CFL1: variants seen among roughly 807,000 people sequenced by gnomAD.
CFL1 encodes cofilin-1.
CFL1 carries 2 observed loss-of-function variants against 16.3 expected under a neutral mutation model. The observed-to-expected ratio is 0.12, with a 90% CI of 0.05 to 0.39. The LOEUF (loss-of-function observed/expected upper bound fraction) is 0.39, where lower values mean the gene tolerates loss of function less well. Among genes scored for constraint, CFL1 ranks in the 10% least tolerant of loss-of-function variants. The pLI, the probability that CFL1 is intolerant of heterozygous loss-of-function variation, is 0.99. For synonymous variants in CFL1, 111 were observed against 84.4 expected (o/e 1.31, Z -1.73); for missense variants, 75 against 212.2 (o/e 0.35, Z 4.02).
In CFL1 at chr11:65,858,025, C is replaced by T; in HGVS notation, c.3+72G>A. ...TGGGGGAGGGGGTGCGGACGTCGCT[C>T]CCCAGTCGCTTCCCGCGCGCAGGCG... On this transcript the variant is annotated intron_variant, in intron 1 of 3. Coordinates refer to ENST00000308162, the MANE Select transcript of CFL1 (RefSeq NM_005507.3). 2.7e-6 allele frequency: 4 copies of T among 1,491,322 alleles called. No individual in the cohort carries two copies. The Admixed American group carries it at 6.3e-5, about 23-fold the overall frequency. The allele number at this position is 1,491,322 out of a possible 1,614,324, so 92.4% of individuals were successfully genotyped here.
At chr11:65,857,194 C>A (rs1245095060) in intron 1 of CFL1, 1 of 220,982 alleles carries the variant, frequency 4.5e-6, no homozygotes, top group South Asian at 3.5e-5. Flanking sequence ...CTCCTGCAGG[C>A]AGGAGCCTGG....
chr11:65,855,183 T>TG lies in CFL1; in HGVS notation c.*152dup, dbSNP rs1426021320. On this transcript the variant is annotated 3_prime_UTR_variant, in exon 4 of 4. Transcript: ENST00000308162. ...GGAGGGAGAAGGAAAATCCAGGGGG[T>TG]GGGGGGTCTGTTTGGCAACTGGGGT... The TG allele has an allele frequency of 6.5e-6, 4 of 611,268 alleles. No individual in the cohort carries two copies. The highest frequency in any genetic ancestry group is 1.9e-5 in the South Asian group (1 of 52,032). 37.9% of individuals were successfully genotyped at this position (611,268 alleles called of 1,614,324 possible).
At chr11:65,857,955 C>A (rs988551090) in intron 1 of CFL1, 142 bp downstream of exon 1, 12 of 855,000 alleles carry the variant, frequency 1.4e-5, no homozygotes, top group Non-Finnish European at 1.8e-5. Flanking sequence ...CGCATTCCGG[C>A]ACCGCCCGCC....
At chr11:65,855,810 G>A (rs139174092) in intron 2 of CFL1, 80 bp from the exon 3 acceptor site, 7 of 1,506,024 alleles carry the variant, frequency 4.6e-6, no homozygotes, top group Non-Finnish European at 6.3e-6. Context: ...GGCTGGCAGT[G>A]AGGAGTCTTT....
chr11:65,857,705 C>A, intron 1 of CFL1: 1 of 164,948 alleles, frequency 6.1e-6, no homozygotes, highest in Non-Finnish European at 1.3e-5. Flanking sequence ...ACCTCTCGCG[C>A]GCTTTTTCCT....
At chr11:65,856,645 T>C in intron 1 of CFL1, 1 of 225,526 alleles carries the variant, frequency 4.4e-6, no homozygotes, top group Non-Finnish European at 9.0e-6. Flanking sequence ...GAGCCAAGAC[T>C]CCTCTTCAGA....
At chr11:65,857,975 G>C (rs949842432) in intron 1 of CFL1, 122 bp downstream of exon 1, 25 of 1,086,444 alleles carry the variant, frequency 2.3e-5, no homozygotes, top group African/African-American at 1.9e-4. Flanking sequence ...CCCTTCGTGC[G>C]AGACCCTCAT....
intron 1 of CFL1, chr11:65,857,171 G>GT (rs1188129613): frequency 1.0e-5 from 2 of 197,642 alleles, no homozygotes; most frequent in African/African-American, 4.8e-5. Context: ...AACAACGGGT[G>GT]TATCAGACCC....
Position 65,855,077 on chromosome 11 carries a change from T to C in CFL1, c.*259A>G. ...CAGGCTCCCCCACAACTGGGGTGCC[T>C]GGGGGGAACTTGGTCTGCTTCAGCC... On this transcript the variant is annotated 3_prime_UTR_variant, in exon 4 of 4. Transcript: ENST00000308162. The C allele has an allele frequency of 4.6e-6, 2 of 433,056 alleles. No individual in the cohort carries two copies. Among genetic ancestry groups the C allele is most frequent in the Non-Finnish European group, 8.5e-6 (2 of 234,582 alleles). The allele number at this position is 433,056 out of a possible 1,614,324, so 26.8% of individuals were successfully genotyped here.
rs372128176 is a variant in CFL1 at position 65,855,044 on chromosome 11, A to G, written c.*292T>C. The G allele has an allele frequency of 7.9e-6, 3 of 378,102 alleles. No homozygotes were observed. The highest frequency in any genetic ancestry group is 1.1e-4 in the East Asian group (2 of 17,652). 23.4% of individuals were successfully genotyped at this position (378,102 alleles called of 1,614,324 possible). A position where few individuals can be genotyped will look rare whatever the true frequency, so the allele number is the denominator to read the frequency against. On this transcript the variant is annotated 3_prime_UTR_variant, in exon 4 of 4. Transcript: ENST00000308162. ...AGGTGGGGAATGGGGATGTTGTTAA[A>G]AAAAATACAGGCTCCCCCACAACTG...
At position 65,854,984 on chromosome 11, in the gene CFL1, G is replaced by A. The variant is rs985011884; in HGVS notation, c.*352C>T. 8 of 307,438 alleles carry A rather than the reference G, an allele frequency of 2.6e-5. No homozygotes were observed. Among genetic ancestry groups the A allele is most frequent in the African/African-American group, 4.3e-5 (2 of 46,224 alleles). The allele number at this position is 307,438 out of a possible 1,614,324, so 19.0% of individuals were successfully genotyped here. A position where few individuals can be genotyped will look rare whatever the true frequency, so the allele number is the denominator to read the frequency against. On this transcript the variant is annotated 3_prime_UTR_variant, in exon 4 of 4. Transcript: ENST00000308162. Reference sequence around the variant, plus strand: ...CAGACAAGCACAGAGTCACTATTGCGGTTAGAAGTTGGCAGCATGGGAAGG... The same window carrying A: ...CAGACAAGCACAGAGTCACTATTGCAGTTAGAAGTTGGCAGCATGGGAAGG...
intron 1 of CFL1, 167 bp downstream of exon 1, chr11:65,857,930 C>T: frequency 1.7e-6 from 1 of 596,496 alleles, no homozygotes; most frequent in Non-Finnish European, 2.5e-6. Context: ...TCCCCGGCGC[C>T]CACGGGCGCG....
chr11:65,855,316 G>C lies in CFL1; in HGVS notation c.*20C>G. On this transcript the variant is annotated 3_prime_UTR_variant, in exon 4 of 4. Transcript: ENST00000308162. ...AGGTGTGGGGCTGCCAGATGCTCCA[G>C]GCAGGGGGCCAGAAGGGGCTCACAA... 3 of 1,602,890 alleles carry C rather than the reference G, an allele frequency of 1.9e-6. No homozygotes were observed. The highest frequency in any genetic ancestry group is 2.6e-6 in the Non-Finnish European group (3 of 1,172,044).
At chr11:65,856,612 G>A (rs1859389931) in intron 1 of CFL1, 3 of 252,616 alleles carry the variant, frequency 1.2e-5, no homozygotes, top group South Asian at 8.1e-5. Context: ...TTAGAACTTC[G>A]GATATGGAGG....
At chr11:65,857,734 T>G in intron 1 of CFL1, 3 of 169,848 alleles carry the variant, frequency 1.8e-5, no homozygotes, top group East Asian at 1.7e-4. Context: ...CCGGGCCGGG[T>G]TTGGACGCCG....
intron 2 of CFL1, 21 bp downstream of exon 2, chr11:65,855,914 G>A (rs981376825): frequency 6.9e-6 from 11 of 1,600,218 alleles, no homozygotes; most frequent in Middle Eastern, 3.3e-4. Flanking sequence ...GTGACAGGAA[G>A]AAGTGCCAGA....
chr11:65,857,942 A>G (rs1340349174), intron 1 of CFL1, 155 bp downstream of exon 1: 3 of 690,582 alleles, frequency 4.3e-6, no homozygotes, highest in Admixed American at 4.5e-5. Context: ...ACGGGCGCGC[A>G]CGCGCATTCC....
Position 65,855,455 on chromosome 11 carries a change from A to T in CFL1, c.389-7T>A. 6.2e-7 allele frequency: 1 copy of T among 1,612,910 alleles called. No homozygotes were observed. The stretch of plus-strand genomic sequence containing the variant: ...TGCAATTCATGCTTGATCCCTATAA[A>T]GAAGAAAGGGGAGCATCTGTGAGCA... On this transcript the variant is annotated splice_polypyrimidine_tract_variant and splice_region_variant and intron_variant, in intron 3 of 3. Coordinates refer to ENST00000308162, the MANE Select transcript of CFL1 (RefSeq NM_005507.3).
intron 1 of CFL1, chr11:65,856,649 C>T (rs1859390636): frequency 4.4e-6 from 1 of 227,446 alleles, no homozygotes; most frequent in Non-Finnish European, 9.0e-6. Flanking sequence ...CAAGACTCCT[C>T]TTCAGAAAGA....
Sources: allele counts gnomAD v4.1 joint callset, GRCh38; gene constraint gnomAD v4.1.1; transcripts MANE v1.5; gene names NCBI Gene and HGNC (gene_info 2026-07-23, HGNC 2026-07-21).